Variants in SLC24A2 observed in about 807,000 individuals in gnomAD.
SLC24A2 encodes sodium/potassium/calcium exchanger 2.
Under a neutral mutation model 62.0 loss-of-function variants are expected in SLC24A2, and 36 were observed. That is an observed-to-expected ratio of 0.58 (90% CI 0.44 to 0.77). SLC24A2 has a LOEUF of 0.77. Among genes scored for constraint, SLC24A2 ranks in the 30% least tolerant of loss-of-function variants. The probability of loss-of-function intolerance (pLI) is 0.00; values close to 1 mark genes in which losing one functional copy is unlikely to be tolerated. For missense variants in SLC24A2, 846 were observed against 817.9 expected (o/e 1.03, Z -0.42); for synonymous variants, 358 against 294.0 (o/e 1.22, Z -2.23).
At chr9:19,848,174 G>C in the SLC24A2 span, among the ~76,000 whole-genome samples, 1 of 151,566 alleles carries the variant, frequency 6.6e-6, no homozygotes, top group African/African-American at 2.4e-5. Flanking sequence ...TAGAAGAGGG[G>C]TTTATTTTGT....
At chr9:19,761,360 C>T (rs1309926442) in intron 2 of SLC24A2, among the ~76,000 whole-genome samples, 4 of 152,028 alleles carry the variant, frequency 2.6e-5, no homozygotes, top group Non-Finnish European at 5.9e-5. Context: ...TTCTAAGTGG[C>T]GTGAGATGGT....
the SLC24A2 span, among the ~76,000 whole-genome samples, chr9:20,243,218 A>C: frequency 6.6e-6 from 1 of 152,214 alleles, no homozygotes; most frequent in Admixed American, 6.5e-5. Flanking sequence ...TAAAAAAATT[A>C]TAAATTAGCA....
chr9:19,553,761 A>G lies in SLC24A2; in HGVS notation c.1348-3493T>C, dbSNP rs1256248968. Among the ~76,000 whole-genome samples, 7 of 152,368 alleles carry G rather than the reference A, an allele frequency of 4.6e-5. No individual in the cohort carries two copies. The South Asian group carries it at 1.0e-3, about 23-fold the overall frequency. ...GGTGCAAAGCACTGCATTTAATTCT[A>G]GGACTCCTGCTTTCAAGGAGTCTTG... On this transcript the variant is annotated intron_variant, in intron 7 of 10. Coordinates refer to ENST00000341998, the MANE Select transcript of SLC24A2 (RefSeq NM_020344.4).
chr9:20,125,053 C>T, the SLC24A2 span, among the ~76,000 whole-genome samples: 3 of 152,116 alleles, frequency 2.0e-5, no homozygotes, highest in Non-Finnish European at 2.9e-5. Flanking sequence ...AGTGGTAAAG[C>T]CAACTGCATA....
the SLC24A2 span, among the ~76,000 whole-genome samples, chr9:19,950,684 C>T: frequency 6.6e-6 from 1 of 152,136 alleles, no homozygotes; most frequent in African/African-American, 2.4e-5. Flanking sequence ...ACAAAAATCA[C>T]CCCCCTCATG....
intron 5 of SLC24A2, among the ~76,000 whole-genome samples, chr9:19,587,819 CCTT>C (rs1298365701): frequency 6.6e-6 from 1 of 152,216 alleles, no homozygotes; most frequent in Non-Finnish European, 1.5e-5. Context: ...CCATTTAACA[CCTT>C]CTACATATGC....
At chr9:20,090,433 C>A in the SLC24A2 span, among the ~76,000 whole-genome samples, 2 of 152,096 alleles carry the variant, frequency 1.3e-5, no homozygotes, top group East Asian at 1.9e-4. Context: ...GAGGAGCCCA[C>A]GCTATCAGAG....
chr9:20,236,352 A>G, the SLC24A2 span, among the ~76,000 whole-genome samples: 3 of 152,356 alleles, frequency 2.0e-5, 1 homozygote. Context: ...AGGTAAATCT[A>G]AAATAAATGT....
intron 2 of SLC24A2, among the ~76,000 whole-genome samples, chr9:19,636,315 T>TTTTCTTTTCTTTCTTTCTTTC: frequency 1.9e-3 from 76 of 40,168 alleles, no homozygotes; most frequent in Admixed American, 2.5e-3. Context: ...TTTTCTTTTC[T>TTTTCTTTTCTTTCTTTCTTTC]TTTCTTTCTT....
chr9:19,621,375 C>T (rs970555642), intron 3 of SLC24A2, among the ~76,000 whole-genome samples: 15 of 152,106 alleles, frequency 9.9e-5, no homozygotes, highest in African/African-American at 3.1e-4. Flanking sequence ...TCTATGGGCT[C>T]TCAATGAATG....
chr9:19,522,991 A>G (rs1167485600), intron 9 of SLC24A2, among the ~76,000 whole-genome samples: 1 of 152,178 alleles, frequency 6.6e-6, no homozygotes, highest in Non-Finnish European at 1.5e-5. Context: ...ATTCTTAATA[A>G]TTAAATTCTT....
intron 8 of SLC24A2, among the ~76,000 whole-genome samples, chr9:19,529,205 G>C (rs1182376047): frequency 6.6e-6 from 1 of 152,124 alleles, no homozygotes; most frequent in African/African-American, 2.4e-5. Context: ...ATTTTATCTA[G>C]AGAAATGAAT....
the SLC24A2 span, among the ~76,000 whole-genome samples, chr9:20,258,787 T>C: frequency 6.2e-5 from 8 of 129,168 alleles, no homozygotes; most frequent in Non-Finnish European, 1.1e-4. Flanking sequence ...TATCTATCTA[T>C]CTATCTATCT....
At chr9:19,718,496 A>C (rs1348699654) in intron 2 of SLC24A2, among the ~76,000 whole-genome samples, 1 of 141,194 alleles carries the variant, frequency 7.1e-6, no homozygotes, top group Non-Finnish European at 1.5e-5. Flanking sequence ...ATTTTTGTAG[A>C]AACAGGGTTT....
the SLC24A2 span, among the ~76,000 whole-genome samples, chr9:20,260,112 T>G: frequency 1.3e-5 from 2 of 152,068 alleles, 1 homozygote; most frequent in East Asian, 3.9e-4. Flanking sequence ...AAATAAAAGG[T>G]GAGGCCTTTA....
intron 4 of SLC24A2, among the ~76,000 whole-genome samples, chr9:19,613,258 T>C (rs929231805): frequency 7.2e-5 from 11 of 152,248 alleles, no homozygotes; most frequent in African/African-American, 2.7e-4. Context: ...CAGAAAAGAC[T>C]GTGGTATTCC....
the SLC24A2 span, among the ~76,000 whole-genome samples, chr9:20,089,531 C>G: frequency 6.6e-6 from 1 of 152,028 alleles, no homozygotes; most frequent in African/African-American, 2.4e-5. Context: ...GGAGTCTAGC[C>G]CCTCTTCCCT....
the SLC24A2 span, among the ~76,000 whole-genome samples, chr9:20,046,757 C>A: frequency 6.6e-6 from 1 of 152,198 alleles, no homozygotes; most frequent in African/African-American, 2.4e-5. Context: ...GGCCCTTACT[C>A]ATCTTCCTTT....
chr9:19,714,428 TAAAATAAAAC>T (rs1282927172), intron 2 of SLC24A2, among the ~76,000 whole-genome samples: 1 of 150,606 alleles, frequency 6.6e-6, no homozygotes, highest in Non-Finnish European at 1.5e-5. Flanking sequence ...CTTGATTCTT[TAAAATAAAAC>T]AAAATAAAAT....
Sources: gnomAD v4.1 joint callset for allele counts (sites outside exome capture counted in the v4.1 genomes callset) on GRCh38, gnomAD v4.1.1 for gene constraint, MANE v1.5 for transcripts, NCBI Gene and HGNC (gene_info 2026-07-23, HGNC 2026-07-21) for gene names.